The following AUTS2 variants were observed in gnomAD, a reference collection of about 807,000 sequenced individuals.
AUTS2 encodes the protein activator of transcription and developmental regulator AUTS2.
In AUTS2, 17 loss-of-function variants were observed where a neutral mutation model predicts 112.4. That is an observed-to-expected ratio of 0.15 (90% CI 0.10 to 0.23). AUTS2 has a LOEUF of 0.23. AUTS2 is among the 10% of genes least tolerant of loss of function. AUTS2 has a pLI of 1.00. For synonymous variants in AUTS2, 751 were observed against 702.7 expected, an observed-to-expected ratio of 1.07 and a Z score of -1.09; for missense variants, 1,510 against 1,701.6, an observed-to-expected ratio of 0.89 and a Z score of 1.98.
intron 2 of AUTS2, among the ~76,000 whole-genome samples, chr7:69,906,485 A>C (rs963994771): frequency 3.3e-5 from 5 of 152,106 alleles, no homozygotes; most frequent in African/African-American, 1.2e-4. Flanking sequence ...TTCCCGTGGG[A>C]GTTGATGGTG....
chr7:70,178,220 G>A (rs1365281646), intron 4 of AUTS2, among the ~76,000 whole-genome samples: 2 of 152,054 alleles, frequency 1.3e-5, no homozygotes, highest in Admixed American at 1.3e-4. Flanking sequence ...TGTCCCTGTG[G>A]TGCCATTAGC....
intron 1 of AUTS2, among the ~76,000 whole-genome samples, chr7:69,891,629 C>T (rs1794523267): frequency 6.6e-6 from 1 of 151,600 alleles, no homozygotes; most frequent in Non-Finnish European, 1.5e-5. Context: ...GCATCCTTGC[C>T]CACTCTCGGT....
intron 5 of AUTS2, among the ~76,000 whole-genome samples, chr7:70,476,232 AGTGAGGACAAATGATTC>A (rs1030802939): frequency 4.6e-5 from 7 of 152,060 alleles, no homozygotes; most frequent in African/African-American, 1.7e-4. Context: ...TTGTCTTTAG[AGTGAGGACAAATGATTC>A]GTCCAGTGAG....
At chr7:70,661,791 A>G (rs1227705776) in intron 5 of AUTS2, among the ~76,000 whole-genome samples, 1 of 152,194 alleles carries the variant, frequency 6.6e-6, no homozygotes, top group Non-Finnish European at 1.5e-5. Context: ...TTGCACGAGC[A>G]GGGCCTCTGC....
intron 4 of AUTS2, among the ~76,000 whole-genome samples, chr7:70,311,058 A>C (rs546397302): frequency 6.6e-6 from 1 of 152,186 alleles, no homozygotes; most frequent in East Asian, 1.9e-4. Flanking sequence ...CTCCCTCTCC[A>C]TAGGCCTGTT....
At chr7:69,781,697 T>C (rs1158826922) in intron 1 of AUTS2, among the ~76,000 whole-genome samples, 1 of 152,222 alleles carries the variant, frequency 6.6e-6, no homozygotes, top group African/African-American at 2.4e-5. Context: ...CTTGCCTCAG[T>C]GTAGACTGCA....
intron 5 of AUTS2, among the ~76,000 whole-genome samples, chr7:70,551,552 A>C (rs924228618): frequency 2.0e-5 from 3 of 152,200 alleles, no homozygotes; most frequent in African/African-American, 4.8e-5. Context: ...TATTCCTAAA[A>C]AATGTCAAGG....
At chr7:70,481,805 G>T (rs891676534) in intron 5 of AUTS2, among the ~76,000 whole-genome samples, 1 of 152,178 alleles carries the variant, frequency 6.6e-6, no homozygotes, top group Non-Finnish European at 1.5e-5. Flanking sequence ...TGCCATTGTG[G>T]AGGCACGATT....
intron 12 of AUTS2, 45 bp from the exon 13 acceptor site, chr7:70,775,308 ATTGT>A (rs1177167123): frequency 3.2e-6 from 5 of 1,552,430 alleles, no homozygotes; most frequent in Non-Finnish European, 4.4e-6. Flanking sequence ...AATTAGAGCA[ATTGT>A]TTGAGTGACA....
chr7:70,717,130 C>G (rs1810424666), intron 6 of AUTS2, among the ~76,000 whole-genome samples: 2 of 151,634 alleles, frequency 1.3e-5, no homozygotes, highest in Admixed American at 1.3e-4. Flanking sequence ...CTCCTGGGCT[C>G]AAGTGATCCT....
intron 5 of AUTS2, among the ~76,000 whole-genome samples, chr7:70,658,258 A>G (rs1806880605): frequency 6.6e-6 from 1 of 152,206 alleles, no homozygotes; most frequent in South Asian, 2.1e-4. Flanking sequence ...GAGGATGATT[A>G]TGCTGATCCT....
intron 2 of AUTS2, among the ~76,000 whole-genome samples, chr7:70,012,105 G>A (rs1251587609): frequency 1.3e-5 from 2 of 152,154 alleles, no homozygotes; most frequent in African/African-American, 4.8e-5. Context: ...TCTGCAAAGC[G>A]TTGATGGTGT....
intron 4 of AUTS2, among the ~76,000 whole-genome samples, chr7:70,225,288 C>A (rs1811704037): frequency 6.6e-6 from 1 of 152,154 alleles, no homozygotes; most frequent in Admixed American, 6.6e-5. Flanking sequence ...TCATTTTCTG[C>A]AGAACAGTTT....
chr7:69,764,182 A>T (rs1788314590), intron 1 of AUTS2, among the ~76,000 whole-genome samples: 1 of 152,116 alleles, frequency 6.6e-6, no homozygotes, highest in Non-Finnish European at 1.5e-5. Context: ...CGTAAATGAG[A>T]TGCTTTTGGA....
intron 5 of AUTS2, among the ~76,000 whole-genome samples, chr7:70,645,752 C>T (rs1212124755): frequency 2.0e-5 from 3 of 152,244 alleles, no homozygotes; most frequent in Admixed American, 2.0e-4. Flanking sequence ...TTAGTGTTAG[C>T]GTACTGTGCT....
At chr7:70,012,390 C>T (rs1411919034) in intron 2 of AUTS2, among the ~76,000 whole-genome samples, 1 of 152,166 alleles carries the variant, frequency 6.6e-6, no homozygotes, top group African/African-American at 2.4e-5. Flanking sequence ...TAAACCTAGA[C>T]ATGAGTTTGA....
chr7:70,649,785 C>T (rs1457657353), intron 5 of AUTS2, among the ~76,000 whole-genome samples: 1 of 152,078 alleles, frequency 6.6e-6, no homozygotes, highest in Admixed American at 6.5e-5. Context: ...GCCTCGGTGT[C>T]CAAAGTGCTG....
At chr7:70,566,791 G>A (rs1801726475) in intron 5 of AUTS2, among the ~76,000 whole-genome samples, 2 of 152,164 alleles carry the variant, frequency 1.3e-5, no homozygotes, top group Admixed American at 1.3e-4. Flanking sequence ...TTTGAGTCAG[G>A]TAATCTACAT....
chr7:70,220,248 T>C (rs746232789), intron 4 of AUTS2, among the ~76,000 whole-genome samples: 1 of 152,232 alleles, frequency 6.6e-6, no homozygotes, highest in Non-Finnish European at 1.5e-5. Context: ...TTGATTTTTT[T>C]CAATCATTTA....
Sources: gnomAD v4.1 joint callset for allele counts (sites outside exome capture counted in the v4.1 genomes callset) on GRCh38, gnomAD v4.1.1 for gene constraint, MANE v1.5 for transcripts, NCBI Gene and HGNC (gene_info 2026-07-23, HGNC 2026-07-21) for gene names.